The following SDK2 variants were observed in gnomAD, a reference collection of about 807,000 sequenced individuals.
SDK2 encodes sidekick cell adhesion molecule 2.
Under a neutral mutation model 253.9 loss-of-function variants are expected in SDK2, and 105 were observed. The ratio of observed to expected loss-of-function variants is 0.41; its 90% CI spans 0.35 to 0.49. SDK2 has a LOEUF of 0.49. SDK2 is among the 20% of genes least tolerant of loss of function. The pLI, the probability that SDK2 is intolerant of heterozygous loss-of-function variation, is 0.06. For synonymous variants in SDK2, 1,249 were observed against 1,234.9 expected (o/e 1.01, Z -0.24); for missense variants, 2,608 against 3,003.0 (o/e 0.87, Z 3.07).
At chr17:73,393,855 C>A in intron 26 of SDK2, 106 bp from the exon 27 acceptor site, 1 of 880,332 alleles carries the variant, frequency 1.1e-6, no homozygotes, top group South Asian at 2.4e-5. Flanking sequence ...CACACATCTC[C>A]CAACTTCCAG....
At chr17:73,527,478 G>A (rs1319193644) in intron 1 of SDK2, among the ~76,000 whole-genome samples, 1 of 152,180 alleles carries the variant, frequency 6.6e-6, no homozygotes, top group Non-Finnish European at 1.5e-5. Context: ...TTCACATCTG[G>A]CTCAGAACTG....
intron 18 of SDK2, among the ~76,000 whole-genome samples, chr17:73,405,517 T>TATATATATATATATATATAAATAA (rs750250733): frequency 1.5e-5 from 1 of 66,180 alleles, no homozygotes; most frequent in Non-Finnish European, 2.7e-5. Flanking sequence ...TATATATATA[T>TATATATATATATATATATAAATAA]AAAGATCGAG....
rs114821150 is a variant in SDK2 at position 73,576,250 on chromosome 17, T to A, written c.64+67775A>T. Among the ~76,000 whole-genome samples the A allele has an allele frequency of 4.0e-3, 615 of 151,996 alleles. 6 individuals are homozygous for A. Among genetic ancestry groups the A allele is most frequent in the African/African-American group, 0.014 (576 of 41,410 alleles). On this transcript the variant is annotated intron_variant, in intron 1 of 44. Transcript: ENST00000392650. ...GAACGTCCCAAGGATGAGAAAGTCA[T>A]CCCAAGGATGGGAAAGAGCATGCCA... is the stretch of plus-strand genomic sequence containing the variant.
intron 2 of SDK2, among the ~76,000 whole-genome samples, chr17:73,493,410 C>T (rs978728321): frequency 6.6e-6 from 1 of 152,158 alleles, no homozygotes; most frequent in Non-Finnish European, 1.5e-5. Context: ...CCAGCGGGGC[C>T]CCAGGGCTGC....
intron 1 of SDK2, among the ~76,000 whole-genome samples, chr17:73,623,134 G>A (rs2046154655): frequency 6.6e-6 from 1 of 152,220 alleles, no homozygotes; most frequent in South Asian, 2.1e-4. Context: ...CTTCCCCATT[G>A]AGTCATTGCT....
rs75645019 is a variant in SDK2, at chr17:73,455,514, C to T, written c.479+392G>A. ...GCCAACGGACGCGCCCAGGGCCTCC[C>T]GGCTGCCCAGGAGACGCCAGCCTCT... is the stretch of plus-strand genomic sequence containing the variant. On this transcript the variant is annotated intron_variant, in intron 4 of 44. Transcript: ENST00000392650. The surrounding 1 kb of genome is among the most constrained non-coding windows in gnomAD (Gnocchi z 5.0). 0.21 allele frequency among the ~76,000 whole-genome samples: 32,008 copies of T among 152,166 alleles called. 4,417 individuals carry two copies. Among genetic ancestry groups the T allele is most frequent in the Non-Finnish European group, 0.3 (20,122 of 67,948 alleles).
rs759558164 is a variant in SDK2 at position 73,365,223 on chromosome 17, G to C, written c.5305+35C>G. 1.1e-5 allele frequency: 17 copies of C among 1,512,654 alleles called. 1 individual carries two copies. Among genetic ancestry groups the C allele is most frequent in the Admixed American group, 6.4e-5 (3 of 47,108 alleles). The allele number at this position is 1,512,654 out of a possible 1,614,324, so 93.7% of individuals were successfully genotyped here. A position where few individuals can be genotyped will look rare whatever the true frequency, so the allele number is the denominator to read the frequency against. ...GATGAGAGCGAGCTTTTGCAAAGTGGGGGGCTGGGGAGCTGTGCTGGGGGG... is the reference window on the plus strand; with the variant it reads ...GATGAGAGCGAGCTTTTGCAAAGTGCGGGGCTGGGGAGCTGTGCTGGGGGG... On this transcript the variant is annotated intron_variant, in intron 38 of 44. Transcript: ENST00000392650.
intron 33 of SDK2, among the ~76,000 whole-genome samples, chr17:73,381,965 A>G (rs1308605671): frequency 1.3e-5 from 2 of 151,940 alleles, no homozygotes; most frequent in South Asian, 2.1e-4. Flanking sequence ...CTGTAATCCC[A>G]GCACTTCGGA....
chr17:73,529,313 G>A (rs529794120), intron 1 of SDK2, among the ~76,000 whole-genome samples: 37 of 152,284 alleles, frequency 2.4e-4, no homozygotes, highest in Non-Finnish European at 4.9e-4. Flanking sequence ...TGGAGGCTGG[G>A]AGACTTTGGA....
chr17:73,478,807 G>A (rs893281416), intron 2 of SDK2, among the ~76,000 whole-genome samples: 2 of 152,224 alleles, frequency 1.3e-5, no homozygotes, highest in African/African-American at 4.8e-5. Context: ...AGGAGCTGAT[G>A]CGGACACCAG....
chr17:73,437,597 G>T, intron 8 of SDK2, 142 bp downstream of exon 8: 1 of 739,364 alleles, frequency 1.4e-6, no homozygotes, highest in Non-Finnish European at 2.4e-6. Flanking sequence ...TTCCTGGGGT[G>T]CCTGCTCAGA....
At chr17:73,340,223 TAA>T (rs2062423144) in intron 44 of SDK2, among the ~76,000 whole-genome samples, 1 of 152,234 alleles carries the variant, frequency 6.6e-6, no homozygotes, top group African/African-American at 2.4e-5. Flanking sequence ...TGAACCATTC[TAA>T]AGTCTATGAC....
At chr17:73,348,335 A>T (rs1199528800) in intron 44 of SDK2, among the ~76,000 whole-genome samples, 80 of 152,128 alleles carry the variant, frequency 5.3e-4, no homozygotes. Context: ...CTGTGGGGTG[A>T]CCCCTGAACG....
intron 3 of SDK2, among the ~76,000 whole-genome samples, chr17:73,461,664 T>A (rs769157602): frequency 1.3e-5 from 2 of 151,474 alleles, no homozygotes; most frequent in Non-Finnish European, 2.9e-5. Flanking sequence ...GTTGTATGGG[T>A]GAATAGGTGG....
chr17:73,435,093 A>C lies in SDK2; in HGVS notation c.1195+357T>G, dbSNP rs1471876020. ...TGGAAACATGAGCAGGTCTTCTGGA[A>C]TGGGGTTACTCCAGCCCTGCCTGGG... On this transcript the variant is annotated intron_variant, in intron 9 of 44. Coordinates refer to ENST00000392650, the MANE Select transcript of SDK2 (RefSeq NM_001144952.2). The surrounding 1 kb of genome is among the most constrained non-coding windows in gnomAD (Gnocchi z 5.7). 6.6e-6 allele frequency among the ~76,000 whole-genome samples: 1 copy of C among 152,150 alleles called. No individual in the cohort carries two copies. The highest frequency in any genetic ancestry group is 2.4e-5 in the African/African-American group (1 of 41,444).
At position 73,639,312 on chromosome 17, in the gene SDK2, T is replaced by A. The variant is rs2046368771; in HGVS notation, c.64+4713A>T. ...TGGTCCAGGCACCAGGCCCAGGGAGTCTGAGGGGACAAGCCCTGCAGTCCC... is the reference window on the plus strand; with the variant it reads ...TGGTCCAGGCACCAGGCCCAGGGAGACTGAGGGGACAAGCCCTGCAGTCCC... On this transcript the variant is annotated intron_variant, in intron 1 of 44. Coordinates refer to ENST00000392650, the MANE Select transcript of SDK2 (RefSeq NM_001144952.2). This position sits in a 1 kb window ranked among gnomAD's most constrained non-coding sequence, Gnocchi z 4.3. Among the ~76,000 whole-genome samples, 1 of 151,910 alleles carries A rather than the reference T, an allele frequency of 6.6e-6. No homozygotes were observed. The highest frequency in any genetic ancestry group is 6.5e-5 in the Admixed American group (1 of 15,282).
At chr17:73,625,566 C>T (rs1457809190) in intron 1 of SDK2, among the ~76,000 whole-genome samples, 1 of 152,228 alleles carries the variant, frequency 6.6e-6, no homozygotes, top group Non-Finnish European at 1.5e-5. Context: ...AAGGGCACCA[C>T]CCTTGGTGTA....
intron 1 of SDK2, among the ~76,000 whole-genome samples, chr17:73,636,381 G>T (rs2046329460): frequency 6.6e-6 from 1 of 152,056 alleles, no homozygotes; most frequent in South Asian, 2.1e-4. Flanking sequence ...TCTAAACTGG[G>T]GAAGAAGCAA....
At chr17:73,637,619 C>T (rs1015746103) in intron 1 of SDK2, among the ~76,000 whole-genome samples, 1 of 152,210 alleles carries the variant, frequency 6.6e-6, no homozygotes, top group African/African-American at 2.4e-5. Flanking sequence ...CCTCAGCCTG[C>T]CTGCCTCGGC....
Sources: gnomAD v4.1 joint callset for allele counts (sites outside exome capture counted in the v4.1 genomes callset) on GRCh38, gnomAD v4.1.1 for gene constraint, Gnocchi (gnomAD v3.1) non-coding constraint, MANE v1.5 for transcripts, NCBI Gene and HGNC (gene_info 2026-07-23, HGNC 2026-07-21) for gene names.